The following UNC80 variants were observed in gnomAD, a reference collection of about 807,000 sequenced individuals.
The protein encoded by UNC80 is unc-80 subunit of NALCN channel complex.
A neutral mutation model predicts 384.6 loss-of-function variants in UNC80; 164 were observed. That is an observed-to-expected ratio of 0.43 (90% CI 0.38 to 0.49). The LOEUF is 0.49. Ranked by LOEUF, UNC80 falls within the 20% of genes least tolerant of loss-of-function variation. The pLI, the probability that UNC80 is intolerant of heterozygous loss-of-function variation, is 0.00. For synonymous variants in UNC80, 1,486 were observed against 1,527.8 expected (o/e 0.97, Z 0.64); for missense variants, 3,330 against 4,143.0 (o/e 0.80, Z 5.39).
chr2:209,863,655 A>G (rs1338446415), intron 22 of UNC80, among the ~76,000 whole-genome samples: 8 of 151,764 alleles, frequency 5.3e-5, no homozygotes. Context: ...GTGCTTCACG[A>G]AGTTCTCATA....
intron 61 of UNC80, among the ~76,000 whole-genome samples, chr2:209,989,764 G>T (rs1230888068): frequency 1.3e-5 from 2 of 152,160 alleles, no homozygotes; most frequent in Non-Finnish European, 2.9e-5. Context: ...GATGTGGAGA[G>T]AAGCTAAACT....
intron 22 of UNC80, among the ~76,000 whole-genome samples, chr2:209,869,604 C>T (rs754464617): frequency 6.6e-6 from 1 of 152,106 alleles, no homozygotes; most frequent in Admixed American, 6.6e-5. Context: ...CTGCCATCAT[C>T]CACCAGGCTA....
chr2:209,772,425 A>G (rs114140318), intron 1 of UNC80, among the ~76,000 whole-genome samples: 5,038 of 145,796 alleles, frequency 0.035, 120 homozygotes, highest in Non-Finnish European at 0.048. Context: ...AGGGGGTGGG[A>G]GGGCAGAGAG....
rs760250857 is a variant in UNC80, at chr2:209,977,016, C to T, written c.8876C>T (p.Ser2959Leu). 2.0e-6 allele frequency: 3 copies of T among 1,537,858 alleles called. No homozygotes were observed. Among genetic ancestry groups the T allele is most frequent in the South Asian group, 1.2e-5 (1 of 83,514 alleles). ...ATACCACGCCCTTTGTGTAAGAGCT[C>T]GCTCATTGCTGAGTTCAACAGTGAA... ...RFIPRPLCKS[S>L]LIAEFNSELK... Residue 2959 changes from serine (S) to leucine (L), a missense_variant, in exon 58 of 65, where the codon TCG becomes TTG. Physicochemically the swap from Ser to Leu is moderately radical, Grantham distance 145 (BLOSUM62 -2). Coordinates refer to ENST00000673920, the MANE Select transcript of UNC80 (RefSeq NM_001371986.1).
At chr2:209,918,001 A>G (rs1183215187) in intron 32 of UNC80, 43 bp downstream of exon 32, 1 of 1,536,314 alleles carries the variant, frequency 6.5e-7, no homozygotes, top group African/African-American at 1.4e-5. Flanking sequence ...AGCAAACCCA[A>G]CCCAAGGTTT....
intron 47 of UNC80, 104 bp from the exon 48 acceptor site, chr2:209,953,996 C>A: frequency 7.7e-7 from 1 of 1,295,374 alleles, no homozygotes; most frequent in Non-Finnish European, 1.0e-6. Context: ...CCTTAGAATT[C>A]ATATATCTCT....
At chr2:209,841,337 T>G (rs1243877138) in intron 20 of UNC80, among the ~76,000 whole-genome samples, 6 of 152,062 alleles carry the variant, frequency 3.9e-5, no homozygotes, top group Non-Finnish European at 7.4e-5. Context: ...CTTGTGGGTT[T>G]TTGTTGTTGT....
chr2:209,981,495 T>C (rs544094004), intron 59 of UNC80, among the ~76,000 whole-genome samples: 64 of 152,350 alleles, frequency 4.2e-4, no homozygotes, highest in Non-Finnish European at 7.1e-4. Flanking sequence ...TGGGAACCAC[T>C]TGAACCTGGG....
intron 33 of UNC80, among the ~76,000 whole-genome samples, chr2:209,919,535 G>A (rs1672047328): frequency 6.6e-6 from 1 of 151,980 alleles, no homozygotes; most frequent in African/African-American, 2.4e-5. Context: ...ACTTTGAATG[G>A]CCAAAACAAC....
In UNC80 at chr2:209,839,182, T is replaced by C. The variant is rs753374373; in HGVS notation, c.3042-40T>C. The C allele has an allele frequency of 6.7e-5, 102 of 1,516,204 alleles. No individual in the cohort carries two copies. Among genetic ancestry groups the C allele is most frequent in the Non-Finnish European group, 8.7e-5 (97 of 1,119,720 alleles). 93.9% of individuals were successfully genotyped at this position (1,516,204 alleles called of 1,614,324 possible). A position where few individuals can be genotyped will look rare whatever the true frequency, so the allele number is the denominator to read the frequency against. ...AAGAAATTTAGGAGAATTTCTCAAG[T>C]GTTGTCAGAAGTTTAACCCTATCCT... On this transcript the variant is annotated intron_variant, in intron 18 of 64. Transcript: ENST00000673920. The surrounding 1 kb of genome is among the most constrained non-coding windows in gnomAD (Gnocchi z 4.1).
intron 21 of UNC80, 37 bp downstream of exon 21, chr2:209,842,483 T>C (rs766809254): frequency 1.4e-5 from 20 of 1,429,606 alleles, no homozygotes; most frequent in Non-Finnish European, 1.9e-5. Flanking sequence ...TATTCAACTT[T>C]TATCACACAG....
intron 23 of UNC80, among the ~76,000 whole-genome samples, chr2:209,873,953 C>T (rs2084535549): frequency 1.3e-5 from 2 of 149,846 alleles, no homozygotes; most frequent in Admixed American, 1.3e-4. Context: ...TAAAAACATC[C>T]TGTTTAAAAA....
At chr2:209,967,761 G>A in intron 52 of UNC80, 124 bp downstream of exon 52, 1 of 894,796 alleles carries the variant, frequency 1.1e-6, no homozygotes, top group Non-Finnish European at 1.7e-6. Context: ...TGGTATATGT[G>A]CATAGTTAAT....
At chr2:209,826,396 A>C (rs1009566852) in intron 14 of UNC80, among the ~76,000 whole-genome samples, 1 of 152,206 alleles carries the variant, frequency 6.6e-6, no homozygotes, top group African/African-American at 2.4e-5. Flanking sequence ...GTAACAAATG[A>C]CTTTTTAATC....
intron 47 of UNC80, among the ~76,000 whole-genome samples, chr2:209,950,020 GA>G (rs1363163695): frequency 2.0e-5 from 3 of 150,326 alleles, no homozygotes; most frequent in African/African-American, 7.3e-5. Flanking sequence ...GAGAGATAAA[GA>G]AAGTCTCACT....
intron 59 of UNC80, among the ~76,000 whole-genome samples, 174 bp downstream of exon 59, chr2:209,978,882 A>T (rs915357452): frequency 6.6e-6 from 1 of 152,196 alleles, no homozygotes; most frequent in South Asian, 2.1e-4. Flanking sequence ...CTGCATTTCT[A>T]TAAATTCCTT....
chr2:209,798,687 T>A (rs1044502599), intron 7 of UNC80, among the ~76,000 whole-genome samples: 2 of 151,016 alleles, frequency 1.3e-5, no homozygotes, highest in Non-Finnish European at 3.0e-5. Flanking sequence ...TTATTATTAT[T>A]ATTTTTTTGA....
chr2:209,862,649 C>CTTTTTTTTTTTTTTTTTTT (rs71043955), intron 22 of UNC80, among the ~76,000 whole-genome samples: 3 of 78,804 alleles, frequency 3.8e-5, no homozygotes, highest in Non-Finnish European at 7.3e-5. Flanking sequence ...GCAACCTCTG[C>CTTTTTTTTTTTTTTTTTTT]TTTTTTTTTT....
rs1244928058 is a variant in UNC80 at position 209,976,322 on chromosome 2, C to T, written c.8772+19C>T. ...GTGCAAGGTGTGGTGTGTGCTTCTC[C>T]TCCTGAAAGTGGCAAGCTCAAATGA... On this transcript the variant is annotated intron_variant, in intron 57 of 64. Coordinates refer to ENST00000673920, the MANE Select transcript of UNC80 (RefSeq NM_001371986.1). The surrounding 1 kb of genome is among the most constrained non-coding windows in gnomAD (Gnocchi z 4.3). The T allele has an allele frequency of 2.6e-6, 4 of 1,551,650 alleles. No individual in the cohort carries two copies. In the South Asian group the frequency reaches 3.6e-5, roughly 14 times the overall value.
Sources: allele counts gnomAD v4.1 joint callset (sites outside exome capture counted in the v4.1 genomes callset), GRCh38; gene constraint gnomAD v4.1.1; non-coding constraint Gnocchi (gnomAD v3.1); transcripts MANE v1.5; gene names NCBI Gene and HGNC (gene_info 2026-07-23, HGNC 2026-07-21).